Variants in MTCL1 observed in about 807,000 individuals in gnomAD.
The protein encoded by MTCL1 is microtubule crosslinking factor 1, also known as microtubule cross-linking factor 1.
Under a neutral mutation model 141.4 loss-of-function variants are expected in MTCL1, and 79 were observed. That is an observed-to-expected ratio of 0.56 (90% CI 0.47 to 0.67). The LOEUF is 0.67. MTCL1 is among the 30% of genes least tolerant of loss of function. The pLI, the probability that MTCL1 is intolerant of heterozygous loss-of-function variation, is 0.00. For missense variants in MTCL1, 2,177 were observed against 2,113.9 expected (o/e 1.03, Z -0.59); for synonymous variants, 914 against 875.8 (o/e 1.04, Z -0.77).
chr18:8,786,597 G>A (rs2096556865), intron 7 of MTCL1: 1 of 348,822 alleles, frequency 2.9e-6, no homozygotes, highest in Non-Finnish European at 5.7e-6. Context: ...ACCCCTAGCA[G>A]TGTCTGTCAC....
In MTCL1 at chr18:8,793,099, A is replaced by T. The variant is rs769023090; in HGVS notation, c.1989A>T (p.Thr663=). Reference sequence around the variant, plus strand: ...GACTGCATCAAGAGGAGACAGAGACATTTACAAACAAGATCCATAAGGTAA... The same window carrying T: ...GACTGCATCAAGAGGAGACAGAGACTTTTACAAACAAGATCCATAAGGTAA... Residue 663 remains threonine (T), a synonymous_variant, in exon 8 of 17, where the codon ACA becomes ACT. Transcript: ENST00000359865. 8.7e-6 allele frequency: 14 copies of T among 1,613,982 alleles called. No homozygotes were observed. The African/African-American group carries it at 1.6e-4, about 18-fold the overall frequency.
At chr18:8,767,638 A>T (rs939662008) in intron 4 of MTCL1, among the ~76,000 whole-genome samples, 7 of 152,284 alleles carry the variant, frequency 4.6e-5, no homozygotes, top group African/African-American at 1.4e-4. Flanking sequence ...CCCGGGGTCC[A>T]TCAGTCTTGT....
chr18:8,767,296 A>G lies in MTCL1; in HGVS notation c.358-10537A>G, dbSNP rs754580920. Among the ~76,000 whole-genome samples, 8 of 152,212 alleles carry G rather than the reference A, an allele frequency of 5.3e-5. No individual in the cohort carries two copies. In the East Asian group the frequency reaches 1.5e-3, roughly 29 times the overall value. On this transcript the variant is annotated intron_variant, in intron 4 of 16. Coordinates refer to ENST00000359865, the Ensembl canonical transcript of MTCL1. ...TTTTGTGGAGTAATGCTAGCCAGTG[A>G]TGCTTTTGATATTTCAGCACAGTTT...
Position 8,830,505 on chromosome 18 carries a change from G to A in MTCL1, c.*19-1102G>A, listed in dbSNP as rs1008100785. On this transcript the variant is annotated intron_variant, in intron 16 of 16. Transcript: ENST00000359865. This position sits in a 1 kb window ranked among gnomAD's most constrained non-coding sequence, Gnocchi z 6.4. The stretch of plus-strand genomic sequence containing the variant: ...TCTCCCGAGTGACACTGCCCATTCC[G>A]TGCAGCCGTCTGTCCTTCCCCCGCT... The A allele has an allele frequency of 1.5e-5, 15 of 986,036 alleles. No individual in the cohort carries two copies. The African/African-American group carries it at 2.3e-4, about 15-fold the overall frequency. 61.1% of individuals were successfully genotyped at this position (986,036 alleles called of 1,614,324 possible).
exon 15 of MTCL1, chr18:8,825,917 G>A: frequency 6.2e-7 from 1 of 1,609,984 alleles, no homozygotes; most frequent in South Asian, 1.1e-5. Flanking sequence ...CCGGCAGTCG[G>A]TCTCGCTCAG....
intron 10 of MTCL1, among the ~76,000 whole-genome samples, chr18:8,800,017 G>T (rs980339671): frequency 6.6e-6 from 1 of 152,228 alleles, no homozygotes; most frequent in East Asian, 1.9e-4. Context: ...TCAGACCCAG[G>T]TCTGCCAAGT....
chr18:8,715,000 G>A (rs539821727), upstream of MTCL1, among the ~76,000 whole-genome samples: 267 of 152,208 alleles, frequency 1.8e-3, no homozygotes, highest in Non-Finnish European at 3.4e-3. Flanking sequence ...GTTTCACTGT[G>A]TTAGCCAGGA....
rs367864498 is a variant in MTCL1, at chr18:8,813,248, C to T, written c.2859+15C>T. The T allele has an allele frequency of 2.2e-5, 36 of 1,607,746 alleles. 1 individual carries two copies. The South Asian group carries it at 2.5e-4, about 11-fold the overall frequency. Reference sequence around the variant, plus strand: ...GGATAGAGCAGGTAAGGAGGCACCCCGGGGCCCTGGAGCATAGGCACAGAG... The same window carrying T: ...GGATAGAGCAGGTAAGGAGGCACCCTGGGGCCCTGGAGCATAGGCACAGAG... On this transcript the variant is annotated intron_variant, in intron 12 of 16. Coordinates refer to ENST00000359865, the Ensembl canonical transcript of MTCL1.
intron 4 of MTCL1, among the ~76,000 whole-genome samples, chr18:8,749,565 G>A (rs2096359639): frequency 6.6e-6 from 1 of 152,246 alleles, no homozygotes; most frequent in South Asian, 2.1e-4. Context: ...CAGAGCCAGT[G>A]GAGAGGCTGT....
chr18:8,725,697 T>C (rs1437621710), intron 4 of MTCL1, among the ~76,000 whole-genome samples: 1 of 137,780 alleles, frequency 7.3e-6, no homozygotes, highest in Admixed American at 8.0e-5. Flanking sequence ...TTATAGCTTT[T>C]GGTCCCATTA....
At chr18:8,803,522 A>G (rs757130550) in intron 10 of MTCL1, among the ~76,000 whole-genome samples, 6 of 152,210 alleles carry the variant, frequency 3.9e-5, no homozygotes, top group Non-Finnish European at 8.8e-5. Context: ...TCTACGGCCC[A>G]TTCTGGGTCT....
intron 5 of MTCL1, among the ~76,000 whole-genome samples, chr18:8,780,872 GA>G (rs1189877188): frequency 6.6e-6 from 1 of 152,132 alleles, no homozygotes; most frequent in Non-Finnish European, 1.5e-5. Context: ...TTTCCTGAAA[GA>G]ATGAATGAAC....
At chr18:8,797,145 C>T (rs1203707106) in intron 9 of MTCL1, among the ~76,000 whole-genome samples, 1 of 152,170 alleles carries the variant, frequency 6.6e-6, no homozygotes, top group Non-Finnish European at 1.5e-5. Flanking sequence ...AATTCATTGA[C>T]GTTATCACCC....
intron 1 of MTCL1, among the ~76,000 whole-genome samples, chr18:8,711,157 G>A (rs2096089614): frequency 6.6e-6 from 1 of 150,944 alleles, no homozygotes; most frequent in African/African-American, 2.4e-5. Context: ...TTTTGTTCTT[G>A]TGATAGTTTA....
At chr18:8,728,643 T>C (rs116591619) in intron 4 of MTCL1, among the ~76,000 whole-genome samples, 40 of 152,168 alleles carry the variant, frequency 2.6e-4, no homozygotes, top group African/African-American at 8.9e-4. Context: ...TTTCTCTGAA[T>C]TGTATTTCCT....
rs1020977641 is a variant in MTCL1 at position 8,767,479 on chromosome 18, T to A, written c.358-10354T>A. ...TGGGAAGGCAATTAGGGTTTCAGAGTTTCATTTACTGTCCTCAAATATACA... is the reference window on the plus strand; with the variant it reads ...TGGGAAGGCAATTAGGGTTTCAGAGATTCATTTACTGTCCTCAAATATACA... On this transcript the variant is annotated intron_variant, in intron 4 of 16. Transcript: ENST00000359865. Among the ~76,000 whole-genome samples, 4 of 152,038 alleles carry A rather than the reference T, an allele frequency of 2.6e-5. No individual in the cohort carries two copies. In the East Asian group the frequency reaches 7.7e-4, roughly 29 times the overall value.
In MTCL1 at chr18:8,825,092, C is replaced by G. The variant is rs765173598; in HGVS notation, c.3582C>G (p.His1194Gln). Residue 1194 changes from histidine to glutamine, a missense_variant, in exon 15 of 17, where the codon CAC becomes CAG. Transcript: ENST00000359865. The stretch of plus-strand genomic sequence containing the variant: ...AGCAGTCGGGGTTGCGCGTGTTACA[C>G]AGCCCGCCTGCCGTGCGCAGGGTCG... 5 of 1,608,106 alleles carry G rather than the reference C, an allele frequency of 3.1e-6. No homozygotes were observed. The East Asian group carries it at 1.1e-4, about 36-fold the overall frequency.
chr18:8,775,288 T>A (rs2096502078), intron 4 of MTCL1, among the ~76,000 whole-genome samples: 1 of 151,742 alleles, frequency 6.6e-6, no homozygotes. Flanking sequence ...AAGAAACTTC[T>A]GGCCGGGCAC....
chr18:8,824,502 C>G (rs1042516485), intron 14 of MTCL1, among the ~76,000 whole-genome samples, 197 bp from the exon 14 acceptor site: 1 of 152,202 alleles, frequency 6.6e-6, no homozygotes, highest in Admixed American at 6.5e-5. Flanking sequence ...GGAACAATTC[C>G]AGAGCCACGC....
Sources: allele counts gnomAD v4.1 joint callset (sites outside exome capture counted in the v4.1 genomes callset), GRCh38; gene constraint gnomAD v4.1.1; non-coding constraint Gnocchi (gnomAD v3.1); transcripts MANE v1.5; gene names NCBI Gene and HGNC (gene_info 2026-07-23, HGNC 2026-07-21).